RBFOX1: variants seen among roughly 807,000 people sequenced by gnomAD.
RBFOX1 encodes RNA binding protein fox-1 homolog 1.
RBFOX1 carries 8 observed loss-of-function variants against 57.7 expected under a neutral mutation model. The ratio of observed to expected loss-of-function variants is 0.14; its 90% CI spans 0.08 to 0.25. The LOEUF (loss-of-function observed/expected upper bound fraction) is 0.25. Ranked by LOEUF, RBFOX1 falls within the 10% of genes least tolerant of loss-of-function variation. The pLI is 1.00. For synonymous variants in RBFOX1, 326 were observed against 222.4 expected, an observed-to-expected ratio of 1.47 and a Z score of -4.15; for missense variants, 611 against 548.5, an observed-to-expected ratio of 1.11 and a Z score of -1.14.
At chr16:5,747,952 T>A (rs1441128546) in intron 3 of RBFOX1, among the ~76,000 whole-genome samples, 1 of 152,194 alleles carries the variant, frequency 6.6e-6, no homozygotes, top group African/African-American at 2.4e-5. Flanking sequence ...CTTTAGTTCT[T>A]TTAATTGTGA....
chr16:6,762,928 A>C (rs1357867177), intron 3 of RBFOX1, among the ~76,000 whole-genome samples: 1 of 152,204 alleles, frequency 6.6e-6, no homozygotes, highest in Non-Finnish European at 1.5e-5. Context: ...ATCTGAGCTG[A>C]AACCTGAAGA....
At position 6,974,079 on chromosome 16, in the gene RBFOX1, C is replaced by G. The variant is rs894844454; in HGVS notation, c.-15-77978C>G. On this transcript the variant is annotated intron_variant, in intron 3 of 15. Coordinates refer to ENST00000550418, the MANE Select transcript of RBFOX1 (RefSeq NM_018723.4). Reference sequence around the variant, plus strand: ...TGCTGAGGATAATGGCTTCCAGCTGCATCCATGTCCCTGCAAAGGACATGA... The same window carrying G: ...TGCTGAGGATAATGGCTTCCAGCTGGATCCATGTCCCTGCAAAGGACATGA... Among the ~76,000 whole-genome samples, 4 of 152,290 alleles carry G rather than the reference C, an allele frequency of 2.6e-5. No homozygotes were observed. The South Asian group carries it at 8.3e-4, about 32-fold the overall frequency.
At chr16:5,281,429 A>T (rs565171858) in intron 1 of RBFOX1, among the ~76,000 whole-genome samples, 2 of 152,300 alleles carry the variant, frequency 1.3e-5, no homozygotes, top group South Asian at 2.1e-4. Context: ...TCTGAAAATA[A>T]CTGTTAGGTC....
intron 3 of RBFOX1, among the ~76,000 whole-genome samples, chr16:6,862,845 C>G (rs970600502): frequency 2.1e-4 from 32 of 151,962 alleles, no homozygotes; most frequent in African/African-American, 7.7e-4. Context: ...ATTAGCCAGT[C>G]ATGGTGGCCG....
At chr16:7,253,803 T>G (rs372481747) in intron 4 of RBFOX1, among the ~76,000 whole-genome samples, 1 of 152,298 alleles carries the variant, frequency 6.6e-6, no homozygotes, top group South Asian at 2.1e-4. Context: ...GGAAGGAATC[T>G]TTTCCTTGTG....
rs79382472 is a variant in RBFOX1, at chr16:7,122,820, A to G, written c.27+70722A>G. Reference sequence around the variant, plus strand: ...AGAAACAAGCCATATGTCTTCAAATAGATGAATTTGAAGCATTACATGTAC... The same window carrying G: ...AGAAACAAGCCATATGTCTTCAAATGGATGAATTTGAAGCATTACATGTAC... On this transcript the variant is annotated intron_variant, in intron 4 of 15. Transcript: ENST00000550418. Among the ~76,000 whole-genome samples the G allele has an allele frequency of 6.1e-3, 927 of 152,338 alleles. 32 individuals are homozygous for G. Among genetic ancestry groups the G allele is most frequent in the Admixed American group, 0.046 (697 of 15,290 alleles).
At chr16:5,668,236 A>G (rs2049908989) in intron 3 of RBFOX1, among the ~76,000 whole-genome samples, 1 of 152,164 alleles carries the variant, frequency 6.6e-6, no homozygotes, top group Admixed American at 6.6e-5. Flanking sequence ...AGCTGAGATC[A>G]TACCACTGCA....
At chr16:7,572,465 G>A (rs925486757) in intron 5 of RBFOX1, among the ~76,000 whole-genome samples, 7 of 152,134 alleles carry the variant, frequency 4.6e-5, no homozygotes, top group Non-Finnish European at 7.3e-5. Flanking sequence ...TCCAACTCAC[G>A]GGTAGGCGAC....
At chr16:5,923,188 G>C (rs2058863690) in intron 4 of RBFOX1, among the ~76,000 whole-genome samples, 1 of 152,196 alleles carries the variant, frequency 6.6e-6, no homozygotes, top group African/African-American at 2.4e-5. Context: ...AGTGGTAATA[G>C]GGTAGTTTAG....
At chr16:5,488,427 T>A (rs1384014190) in intron 2 of RBFOX1, among the ~76,000 whole-genome samples, 2 of 150,028 alleles carry the variant, frequency 1.3e-5, no homozygotes, top group Non-Finnish European at 3.0e-5. Flanking sequence ...TAATGGAGGA[T>A]TATGGTGATG....
At chr16:5,301,660 G>A (rs1487828892) in intron 1 of RBFOX1, among the ~76,000 whole-genome samples, 1 of 147,542 alleles carries the variant, frequency 6.8e-6, no homozygotes, top group East Asian at 2.0e-4. Flanking sequence ...AAAAAACTGA[G>A]CTTGGATACA....
intron 3 of RBFOX1, among the ~76,000 whole-genome samples, chr16:6,804,878 A>C (rs1226396959): frequency 6.6e-6 from 1 of 152,174 alleles, no homozygotes; most frequent in East Asian, 1.9e-4. Flanking sequence ...TAAAAAGGCC[A>C]TGTGTCCCAA....
intron 4 of RBFOX1, among the ~76,000 whole-genome samples, chr16:7,216,971 A>T: frequency 7.2e-6 from 1 of 139,750 alleles, no homozygotes; most frequent in East Asian, 2.2e-4. Flanking sequence ...GGTAAGGAAA[A>T]GTACAGCAGG....
At chr16:6,623,362 A>G (rs1027099745) in intron 2 of RBFOX1, among the ~76,000 whole-genome samples, 1 of 152,066 alleles carries the variant, frequency 6.6e-6, no homozygotes, top group Non-Finnish European at 1.5e-5. Context: ...TGAAACCCAA[A>G]TGACAGCTCA....
intron 1 of RBFOX1, among the ~76,000 whole-genome samples, chr16:6,075,559 A>T (rs146769296): frequency 4.2e-4 from 64 of 152,358 alleles, no homozygotes; most frequent in African/African-American, 1.5e-3. Flanking sequence ...CAATTGTAAG[A>T]TTTACGCCAT....
intron 1 of RBFOX1, among the ~76,000 whole-genome samples, chr16:5,345,737 G>A (rs561428948): frequency 2.0e-5 from 3 of 152,114 alleles, no homozygotes; most frequent in African/African-American, 7.2e-5. Flanking sequence ...AGAGAGTGGT[G>A]GCACCTGATG....
chr16:5,256,531 C>G (rs1487499660), intron 1 of RBFOX1, among the ~76,000 whole-genome samples: 1 of 152,170 alleles, frequency 6.6e-6, no homozygotes, highest in Non-Finnish European at 1.5e-5. Context: ...CAGATGAGAG[C>G]TCTTTGAAAA....
chr16:6,717,878 A>G (rs2065148018), intron 3 of RBFOX1, among the ~76,000 whole-genome samples: 5 of 147,486 alleles, frequency 3.4e-5, no homozygotes, highest in Admixed American at 2.7e-4. Context: ...GCAGATCTGG[A>G]TATGTGTCTA....
At chr16:6,747,492 C>G (rs534178102) in intron 3 of RBFOX1, among the ~76,000 whole-genome samples, 4 of 151,724 alleles carry the variant, frequency 2.6e-5, no homozygotes, top group African/African-American at 4.9e-5. Flanking sequence ...ATCTGTCTAT[C>G]TGTCTTACTG....
Sources: gnomAD v4.1 joint callset for allele counts (sites outside exome capture counted in the v4.1 genomes callset) on GRCh38, gnomAD v4.1.1 for gene constraint, MANE v1.5 for transcripts, NCBI Gene and HGNC (gene_info 2026-07-23, HGNC 2026-07-21) for gene names.